Variants in CIB2 observed in about 807,000 individuals in gnomAD.
CIB2 encodes the protein calcium and integrin binding family member 2.
In CIB2, 19 loss-of-function variants were observed where a neutral mutation model predicts 23.1. That is an observed-to-expected ratio of 0.82 (90% CI 0.57 to 1.21). CIB2 has a LOEUF of 1.21. Among genes scored for constraint, CIB2 ranks in the 50% most tolerant of loss-of-function variants. CIB2 has a pLI of 0.00. For synonymous variants in CIB2, 94 were observed against 91.7 expected (o/e 1.03, Z -0.14); for missense variants, 220 against 241.5 (o/e 0.91, Z 0.59).
intron 2 of CIB2, among the ~76,000 whole-genome samples, chr15:78,112,748 G>A (rs933087844): frequency 6.6e-6 from 1 of 152,116 alleles, no homozygotes; most frequent in African/African-American, 2.4e-5. Context: ...AGCCAGATCA[G>A]CCCAGGTCTC....
chr15:78,121,960 T>A (rs760376884), intron 2 of CIB2, among the ~76,000 whole-genome samples: 2 of 152,178 alleles, frequency 1.3e-5, no homozygotes, highest in African/African-American at 2.4e-5. Flanking sequence ...CAGGAGAAGC[T>A]GGCCTGTGTC....
At chr15:78,127,949 G>C (rs1336748104) in intron 1 of CIB2, among the ~76,000 whole-genome samples, 1 of 152,242 alleles carries the variant, frequency 6.6e-6, no homozygotes, top group Non-Finnish European at 1.5e-5. Flanking sequence ...CAGCTGACTT[G>C]AATCTAGGGC....
At chr15:78,106,958 G>A (rs1460847842) in intron 4 of CIB2, among the ~76,000 whole-genome samples, 1 of 152,114 alleles carries the variant, frequency 6.6e-6, no homozygotes, top group Non-Finnish European at 1.5e-5. Context: ...GCCAGGCGCG[G>A]TGGTTCACGC....
chr15:78,112,046 T>A (rs1470958506), intron 2 of CIB2, among the ~76,000 whole-genome samples: 1 of 152,056 alleles, frequency 6.6e-6, no homozygotes, highest in African/African-American at 2.4e-5. Flanking sequence ...CACTGATGGG[T>A]CAGGTCCCTA....
At chr15:78,114,775 CAA>C (rs781254176) in intron 2 of CIB2, among the ~76,000 whole-genome samples, 12 of 66,906 alleles carry the variant, frequency 1.8e-4, no homozygotes, top group Non-Finnish European at 2.2e-4. Context: ...CATGTCTCTA[CAA>C]AAAAAAAAAA....
chr15:78,113,456 CT>C (rs76147854), intron 2 of CIB2, among the ~76,000 whole-genome samples: 224 of 146,204 alleles, frequency 1.5e-3, no homozygotes, highest in South Asian at 9.5e-3. Context: ...AGGAAAACTA[CT>C]TTTTTTTTTT....
At chr15:78,113,455 A>AC (rs988403881) in intron 2 of CIB2, among the ~76,000 whole-genome samples, 7 of 149,888 alleles carry the variant, frequency 4.7e-5, no homozygotes, top group South Asian at 2.1e-4. Context: ...GAGGAAAACT[A>AC]CTTTTTTTTT....
At chr15:78,117,862 G>C (rs2074261617) in intron 2 of CIB2, among the ~76,000 whole-genome samples, 1 of 152,172 alleles carries the variant, frequency 6.6e-6, no homozygotes, top group Non-Finnish European at 1.5e-5. Flanking sequence ...AAGACAAAAA[G>C]CATATAACAG....
intron 2 of CIB2, among the ~76,000 whole-genome samples, chr15:78,116,431 C>A (rs569417972): frequency 2.0e-4 from 30 of 150,000 alleles, no homozygotes; most frequent in Admixed American, 1.9e-3. Flanking sequence ...CGCACCACTG[C>A]ACTCCAGACT....
intron 1 of CIB2, among the ~76,000 whole-genome samples, chr15:78,125,945 G>A (rs1464357800): frequency 1.3e-5 from 2 of 152,140 alleles, no homozygotes; most frequent in African/African-American, 4.8e-5. Context: ...GATGTACCAT[G>A]CACCTGGCAC....
chr15:78,122,988 G>C (rs543132869), intron 2 of CIB2, among the ~76,000 whole-genome samples: 1 of 152,362 alleles, frequency 6.6e-6, no homozygotes, highest in African/African-American at 2.4e-5. Context: ...CACCCAGGCA[G>C]AGGGGCCTAG....
Position 78,111,179 on chromosome 15 carries a change from T to C in CIB2, c.184A>G (p.Met62Val). The change falls in exon 3 of 6, where the codon ATG becomes GTG. Residue 62 changes from methionine (M) to valine (V), a missense_variant. Coordinates refer to ENST00000258930, the MANE Select transcript of CIB2 (RefSeq NM_006383.4). ...CCTGCACATACCCGGAGCTCTGGCA[T>C]CTGGATGATGAGGCTCATGGGCACG... ...VHVPMSLIIQ[M>V]PELRENPFKE... 2 of 1,614,080 alleles carry C rather than the reference T, an allele frequency of 1.2e-6. No individual in the cohort carries two copies. Among genetic ancestry groups the C allele is most frequent in the Non-Finnish European group, 1.7e-6 (2 of 1,179,960 alleles).
chr15:78,126,140 G>GCCCC (rs55741935), intron 1 of CIB2, among the ~76,000 whole-genome samples: 31 of 129,798 alleles, frequency 2.4e-4, no homozygotes, highest in East Asian at 1.3e-3. Flanking sequence ...CCTTTCCCCT[G>GCCCC]CCCCCCCCCC....
At chr15:78,110,838 G>T in intron 3 of CIB2, 1 of 474,908 alleles carries the variant, frequency 2.1e-6, no homozygotes. Context: ...GCCAGACAAC[G>T]GGGAGACAGA....
Position 78,131,108 on chromosome 15 carries a change from A to G in CIB2, c.51+57T>C. The G allele has an allele frequency of 5.7e-6, 8 of 1,393,664 alleles. No individual in the cohort carries two copies. Among genetic ancestry groups the G allele is most frequent in the East Asian group, 3.1e-5 (1 of 32,552 alleles). 86.3% of individuals were successfully genotyped at this position (1,393,664 alleles called of 1,614,324 possible). On this transcript the variant is annotated intron_variant, in intron 1 of 5. Coordinates refer to ENST00000258930, the MANE Select transcript of CIB2 (RefSeq NM_006383.4). The surrounding 1 kb of genome is among the most constrained non-coding windows in gnomAD (Gnocchi z 5.8). ...GAGGCCTCGGCCAGCGACCGAGAAAAGGGAGGGGCGGCGGGGCGGCGGGGC... is the reference window on the plus strand; with the variant it reads ...GAGGCCTCGGCCAGCGACCGAGAAAGGGGAGGGGCGGCGGGGCGGCGGGGC...
chr15:78,111,213 G>A lies in CIB2; in HGVS notation c.150C>T (p.Pro50=). The A allele has an allele frequency of 6.2e-7, 1 of 1,614,178 alleles. No homozygotes were observed. The highest frequency in any genetic ancestry group is 8.5e-7 in the Non-Finnish European group (1 of 1,180,032). ...NLVPMDYRKS[P]IVHVPMSLII... is the part of the protein sequence containing the mutation. ...TGAGGCTCATGGGCACGTGGACGAT[G>A]GGGCTCTTCCTGTAGTCCATTGGGA... The change falls in exon 3 of 6, where the codon CCC becomes CCT. Residue 50 remains proline (P), a synonymous_variant. Transcript: ENST00000258930.
At chr15:78,105,544 C>T (rs2074053744) in intron 5 of CIB2, 195 bp downstream of exon 5, 2 of 1,478,910 alleles carry the variant, frequency 1.4e-6, no homozygotes, top group Non-Finnish European at 1.8e-6. Context: ...TGAAGGGGCC[C>T]CCAGGTCTTC....
At chr15:78,118,560 G>A (rs2074272752) in intron 2 of CIB2, among the ~76,000 whole-genome samples, 1 of 144,490 alleles carries the variant, frequency 6.9e-6, no homozygotes, top group South Asian at 2.2e-4. Context: ...TTGCACTCCA[G>A]CCTGGGTGAC....
intron 2 of CIB2, among the ~76,000 whole-genome samples, chr15:78,112,727 G>A (rs1359814283): frequency 6.6e-6 from 1 of 152,140 alleles, no homozygotes; most frequent in East Asian, 1.9e-4. Flanking sequence ...GGCCGGCCCT[G>A]CCACCCCCAA....
Sources: gnomAD v4.1 joint callset for allele counts (sites outside exome capture counted in the v4.1 genomes callset) on GRCh38, gnomAD v4.1.1 for gene constraint, Gnocchi (gnomAD v3.1) non-coding constraint, MANE v1.5 for transcripts, NCBI Gene and HGNC (gene_info 2026-07-23, HGNC 2026-07-21) for gene names.